Variants in RARB observed in about 807,000 individuals in gnomAD.
RARB encodes HBV-activated protein.
Under a neutral mutation model 51.9 loss-of-function variants are expected in RARB, and 17 were observed. The ratio of observed to expected loss-of-function variants is 0.33; its 90% confidence interval spans 0.22 to 0.49. The LOEUF is 0.49. Ranked by LOEUF, RARB falls within the 20% of genes least tolerant of loss-of-function variation. RARB has a pLI of 0.99. For synonymous variants in RARB, 215 were observed against 195.4 expected (o/e 1.10, Z -0.84); for missense variants, 369 against 550.8 (o/e 0.67, Z 3.30).
At chr3:25,444,949 T>C (rs1708863132) in intron 1 of RARB, among the ~76,000 whole-genome samples, 1 of 152,124 alleles carries the variant, frequency 6.6e-6, no homozygotes, top group Admixed American at 6.5e-5. Flanking sequence ...ACACCTCTTT[T>C]CTTTTTTCTT....
chr3:25,228,217 G>GTTTTTTTTTT, intron 5 of RARB, among the ~76,000 whole-genome samples: 1 of 105,604 alleles, frequency 9.5e-6, no homozygotes, highest in Non-Finnish European at 1.9e-5. Context: ...GACTTTGAGG[G>GTTTTTTTTTT]TTTTTTTTTT....
At chr3:25,555,599 AAATG>A (rs1228044615) in intron 3 of RARB, 2 of 152,180 alleles carry the variant, frequency 1.3e-5, no homozygotes, top group Non-Finnish European at 2.9e-5. Flanking sequence ...AAATATTTGA[AAATG>A]AATGATCACA....
At chr3:24,884,364 T>G (rs1282388313) in intron 2 of RARB, among the ~76,000 whole-genome samples, 1 of 152,202 alleles carries the variant, frequency 6.6e-6, no homozygotes, top group Non-Finnish European at 1.5e-5. Flanking sequence ...GTGCATTTTA[T>G]GAAGGGCTAG....
rs373284664 is a variant in RARB, at chr3:25,473,440, T to C, written c.306+12099T>C. Among the ~76,000 whole-genome samples the C allele has an allele frequency of 2.6e-5, 4 of 152,198 alleles. No homozygotes were observed. In the East Asian group the frequency reaches 7.7e-4, roughly 29 times the overall value. ...TTAGAGCCTTGTTTCTTGTTCCATA[T>C]TGAAAAGATGACATTCCTTTGCTAG... On this transcript the variant is annotated intron_variant, in intron 2 of 7. Transcript: ENST00000330688.
chr3:25,583,734 G>A (rs75609717), intron 5 of RARB, among the ~76,000 whole-genome samples: 2,383 of 152,302 alleles, frequency 0.016, 29 homozygotes, highest in African/African-American at 0.035. Context: ...GCCCACAGCC[G>A]GGCTTCCTTC....
chr3:24,911,536 C>G (rs1694988937), intron 2 of RARB, among the ~76,000 whole-genome samples: 1 of 151,968 alleles, frequency 6.6e-6, no homozygotes, highest in African/African-American at 2.4e-5. Context: ...AACAGTTACC[C>G]AGTTTTTATT....
At chr3:24,875,887 C>A (rs2885595) in intron 2 of RARB, among the ~76,000 whole-genome samples, 50,443 of 151,982 alleles carry the variant, frequency 0.33, 10,574 homozygotes, top group Non-Finnish European at 0.45. Context: ...ATCATCTTCA[C>A]AATTCTTTAT....
At chr3:25,278,227 A>G (rs771611373) in intron 5 of RARB, among the ~76,000 whole-genome samples, 7 of 152,198 alleles carry the variant, frequency 4.6e-5, no homozygotes, top group Non-Finnish European at 1.0e-4. Context: ...ACCTCTAAGT[A>G]TCTGCTTCTA....
At chr3:24,948,778 G>A (rs138414730) in intron 2 of RARB, among the ~76,000 whole-genome samples, 170 of 152,132 alleles carry the variant, frequency 1.1e-3, no homozygotes, top group African/African-American at 3.9e-3. Context: ...GAGATCTGGC[G>A]GGACCTCCCC....
chr3:24,881,041 GT>G (rs1703149172), intron 2 of RARB, among the ~76,000 whole-genome samples: 1 of 152,164 alleles, frequency 6.6e-6, no homozygotes, highest in Non-Finnish European at 1.5e-5. Context: ...GGATCATGGG[GT>G]TGGTTTCCCC....
chr3:24,960,949 A>AC lies in RARB; in HGVS notation c.-379-99176_-379-99175insC, dbSNP rs1696127268. Among the ~76,000 whole-genome samples the AC allele has an allele frequency of 2.0e-5, 3 of 152,196 alleles. No individual in the cohort carries two copies. In the South Asian group the frequency reaches 6.2e-4, roughly 31 times the overall value. Reference sequence around the variant, plus strand: ...GAACAGGTTGTGAAATCTTGAGGGTAACTAGTGGCGGGGCCTGTGAGAGGG... The same window carrying AC: ...GAACAGGTTGTGAAATCTTGAGGGTACACTAGTGGCGGGGCCTGTGAGAGGG... On this transcript the variant is annotated intron_variant, in intron 2 of 11. Coordinates refer to the RARB transcript ENST00000383772.
At chr3:25,475,709 T>C (rs973829289) in intron 2 of RARB, among the ~76,000 whole-genome samples, 3 of 152,184 alleles carry the variant, frequency 2.0e-5, no homozygotes, top group Admixed American at 6.5e-5. Flanking sequence ...TCCTCTGCCA[T>C]ATCCACGCTG....
chr3:25,501,897 T>A lies in RARB; in HGVS notation c.448+574T>A, dbSNP rs140701725. On this transcript the variant is annotated intron_variant, in intron 3 of 7. Coordinates refer to ENST00000330688, the MANE Select transcript of RARB (RefSeq NM_000965.5). ...AGATATTTTAAAAATACATTAAAAA[T>A]TGGCTACTGGTCCATAAATATCTGA... 6.4e-3 allele frequency among the ~76,000 whole-genome samples: 974 copies of A among 152,320 alleles called. 9 individuals are homozygous for A. The highest frequency in any genetic ancestry group is 0.023 in the African/African-American group (936 of 41,564).
intron 5 of RARB, among the ~76,000 whole-genome samples, chr3:25,307,974 C>A (rs981052949): frequency 6.6e-6 from 1 of 152,156 alleles, no homozygotes; most frequent in South Asian, 2.1e-4. Context: ...GCCAGCAAAG[C>A]CTAAAGTACT....
intron 2 of RARB, among the ~76,000 whole-genome samples, chr3:25,492,995 T>G (rs2125594319): frequency 6.6e-6 from 1 of 152,166 alleles, no homozygotes; most frequent in East Asian, 1.9e-4. Context: ...TTTTTTTTTT[T>G]TTTAAACAAA....
At chr3:25,501,817 G>C (rs188976237) in intron 3 of RARB, among the ~76,000 whole-genome samples, 1 of 152,014 alleles carries the variant, frequency 6.6e-6, no homozygotes, top group Non-Finnish European at 1.5e-5. Context: ...ACTTGATTTC[G>C]TTTTTCTTCT....
At chr3:25,317,008 T>C (rs1422999853) in intron 5 of RARB, among the ~76,000 whole-genome samples, 1 of 152,204 alleles carries the variant, frequency 6.6e-6, no homozygotes, top group Admixed American at 6.5e-5. Context: ...GGTTTATGTA[T>C]AAATTTACAA....
intron 5 of RARB, among the ~76,000 whole-genome samples, chr3:25,312,413 C>T (rs562196011): frequency 6.6e-6 from 1 of 152,032 alleles, no homozygotes; most frequent in East Asian, 1.9e-4. Flanking sequence ...AGGACTCATT[C>T]AGGATTATAC....
At chr3:25,291,909 A>T (rs1203599961) in intron 5 of RARB, among the ~76,000 whole-genome samples, 3 of 152,170 alleles carry the variant, frequency 2.0e-5, no homozygotes, top group Non-Finnish European at 4.4e-5. Flanking sequence ...TGAACTTGGA[A>T]TATTAATCTT....
Sources: allele counts gnomAD v4.1 joint callset (sites outside exome capture counted in the v4.1 genomes callset), GRCh38; gene constraint gnomAD v4.1.1; transcripts MANE v1.5; gene names NCBI Gene and HGNC (gene_info 2026-07-23, HGNC 2026-07-21).